The following TRIM33 variants were observed in gnomAD, a reference collection of about 807,000 sequenced individuals.
TRIM33 encodes the protein tripartite motif containing 33.
Under a neutral mutation model 125.4 loss-of-function variants are expected in TRIM33, and 20 were observed. That is an observed-to-expected ratio of 0.16 (90% CI 0.11 to 0.23). The LOEUF is 0.23. TRIM33 is among the 10% of genes least tolerant of loss of function. TRIM33 has a pLI of 1.00. For synonymous variants in TRIM33, 564 were observed against 513.9 expected, an observed-to-expected ratio of 1.10 and a Z score of -1.32; for missense variants, 920 against 1,411.4, an observed-to-expected ratio of 0.65 and a Z score of 5.58.
intron 4 of TRIM33, among the ~76,000 whole-genome samples, chr1:114,444,983 C>A (rs1304660049): frequency 6.6e-6 from 1 of 151,866 alleles, no homozygotes; most frequent in African/African-American, 2.4e-5. Flanking sequence ...TAGATGGAAA[C>A]TACTAAAAGA....
chr1:114,402,928 C>A, intron 15 of TRIM33, 45 bp from the exon 16 acceptor site: 1 of 1,560,184 alleles, frequency 6.4e-7, no homozygotes, highest in Non-Finnish European at 8.7e-7. Context: ...TATAAGAAAG[C>A]CTGCTCTAGA....
intron 1 of TRIM33, among the ~76,000 whole-genome samples, chr1:114,484,649 G>A (rs7550104): frequency 0.026 from 4,009 of 152,236 alleles, 92 homozygotes; most frequent in Non-Finnish European, 0.034. Flanking sequence ...GATTGCCTGA[G>A]CTCAGGAGTT....
chr1:114,397,591 TTTTTTTTTTTTTTTC>T lies in TRIM33; in HGVS notation c.*42_*56del. 32 of 1,006,088 alleles carry T rather than the reference TTTTTTTTTTTTTTTC, an allele frequency of 3.2e-5. No individual in the cohort carries two copies. The South Asian group carries it at 3.9e-4, about 12-fold the overall frequency. 62.3% of individuals were successfully genotyped at this position (1,006,088 alleles called of 1,614,324 possible). A position where few individuals can be genotyped will look rare whatever the true frequency, so the allele number is the denominator to read the frequency against. Reference sequence around the variant, plus strand: ...TAAAAGTTTTCTGGGTTTTTTGTGTTTTTTTTTTTTTTTTCGTTTTTTTTTTTTTAAACAATTGAT... The same window carrying T: ...TAAAAGTTTTCTGGGTTTTTTGTGTTGTTTTTTTTTTTTTAAACAATTGAT... On this transcript the variant is annotated 3_prime_UTR_variant, in exon 20 of 20. Coordinates refer to ENST00000358465, the MANE Select transcript of TRIM33 (RefSeq NM_015906.4).
rs1048039475 is a variant in TRIM33 at position 114,421,066 on chromosome 1, T to C, written c.2061+370A>G. On this transcript the variant is annotated intron_variant, in intron 11 of 19. Coordinates refer to ENST00000358465, the MANE Select transcript of TRIM33 (RefSeq NM_015906.4). ...AGCCTCTAAAAAGAAGGAAATTCTG[T>C]CATCTTGCAACAACATGAATGGAAC... Among the ~76,000 whole-genome samples the C allele has an allele frequency of 7.2e-5, 11 of 152,292 alleles. No homozygotes were observed. In the South Asian group the frequency reaches 2.1e-3, roughly 29 times the overall value.
At chr1:114,491,795 C>A (rs1021878084) in intron 1 of TRIM33, among the ~76,000 whole-genome samples, 1 of 152,084 alleles carries the variant, frequency 6.6e-6, no homozygotes, top group Non-Finnish European at 1.5e-5. Context: ...TAGAGCAAGA[C>A]CCTGTCTCAA....
At position 114,395,028 on chromosome 1, in the gene TRIM33, A is replaced by G. The variant is rs1289977732; in HGVS notation, c.*2620T>C. 1.5e-5 allele frequency: 3 copies of G among 194,254 alleles called. No individual in the cohort carries two copies. In the East Asian group the frequency reaches 2.4e-4, roughly 16 times the overall value. The allele number at this position is 194,254 out of a possible 1,614,324, so 12.0% of individuals were successfully genotyped here. On this transcript the variant is annotated 3_prime_UTR_variant, in exon 20 of 20. Coordinates refer to ENST00000358465, the MANE Select transcript of TRIM33 (RefSeq NM_015906.4). ...CTGCCTTCAGGGACTGACAGATACA[A>G]TTTTGTCTTTTTAAAACATAAACTA...
chr1:114,463,363 A>G (rs562780242), intron 3 of TRIM33, 49 bp downstream of exon 3: 17 of 1,571,902 alleles, frequency 1.1e-5, no homozygotes, highest in South Asian at 5.8e-5. Context: ...GGGGCAAAAG[A>G]AGGAGGTTAA....
intron 4 of TRIM33, among the ~76,000 whole-genome samples, chr1:114,438,634 A>G (rs1648458252): frequency 6.6e-6 from 1 of 152,146 alleles, no homozygotes; most frequent in Non-Finnish European, 1.5e-5. Flanking sequence ...TACTACTACT[A>G]TTTTCATAGT....
chr1:114,454,126 GAT>G, intron 4 of TRIM33, among the ~76,000 whole-genome samples: 1 of 152,286 alleles, frequency 6.6e-6, no homozygotes, highest in East Asian at 1.9e-4. Flanking sequence ...GAGTCTCGTG[GAT>G]TACTCTCTAA....
Position 114,511,126 on chromosome 1 carries a change from GT to G in TRIM33, c.-51del. ...CCGCCCCGCGCCGCCCGCCGCCCGC[GT>G]CGCCGCCGCCGCCGCCCCCAGCCCC... is the stretch of plus-strand genomic sequence containing the variant. On this transcript the variant is annotated 5_prime_UTR_variant, in exon 1 of 20. Transcript: ENST00000358465. 4.5e-6 allele frequency: 5 copies of G among 1,111,076 alleles called. No homozygotes were observed. The highest frequency in any genetic ancestry group is 4.4e-6 in the Non-Finnish European group (4 of 914,056). The allele number at this position is 1,111,076 out of a possible 1,614,324, so 68.8% of individuals were successfully genotyped here.
At chr1:114,492,445 T>G (rs758980615) in intron 1 of TRIM33, among the ~76,000 whole-genome samples, 1 of 152,166 alleles carries the variant, frequency 6.6e-6, no homozygotes, top group Non-Finnish European at 1.5e-5. Context: ...ATTAACTACA[T>G]TCAACATGTT....
intron 1 of TRIM33, among the ~76,000 whole-genome samples, chr1:114,466,865 C>T (rs536720565): frequency 6.5e-4 from 99 of 152,144 alleles, no homozygotes; most frequent in Non-Finnish European, 1.0e-3. Context: ...CCAAACTGCT[C>T]GGATTACAGG....
At chr1:114,417,497 A>G (rs1381812497) in intron 11 of TRIM33, among the ~76,000 whole-genome samples, 1 of 152,118 alleles carries the variant, frequency 6.6e-6, no homozygotes, top group Non-Finnish European at 1.5e-5. Flanking sequence ...ACATTGTTAT[A>G]CTGTACATAC....
chr1:114,433,767 A>C, intron 4 of TRIM33, 34 bp from the exon 5 acceptor site: 1 of 1,278,190 alleles, frequency 7.8e-7, no homozygotes, highest in Non-Finnish European at 1.1e-6. Context: ...TTTAAAACAA[A>C]ACATTTATGA....
rs1191121481 is a variant in TRIM33 at position 114,399,365 on chromosome 1, AT to A, written c.3120+91del. ...TGACAGGACTTTAGCAGAAAAAAAA[AT>A]TTTAATAAAATTAAAGTCAGCAGAA... On this transcript the variant is annotated intron_variant, in intron 18 of 19. Coordinates refer to ENST00000358465, the MANE Select transcript of TRIM33 (RefSeq NM_015906.4). 6 of 1,342,274 alleles carry A rather than the reference AT, an allele frequency of 4.5e-6. No homozygotes were observed. In the African/African-American group the frequency reaches 9.0e-5, roughly 20 times the overall value. 83.1% of individuals were successfully genotyped at this position (1,342,274 alleles called of 1,614,324 possible). A position where few individuals can be genotyped will look rare whatever the true frequency, so the allele number is the denominator to read the frequency against.
chr1:114,491,275 C>A (rs1317484696), intron 1 of TRIM33, among the ~76,000 whole-genome samples: 2 of 152,074 alleles, frequency 1.3e-5, no homozygotes, highest in African/African-American at 4.8e-5. Flanking sequence ...GAGGTGTTGC[C>A]ATTTATATAA....
intron 14 of TRIM33, among the ~76,000 whole-genome samples, chr1:114,406,430 T>G (rs998069076): frequency 6.6e-6 from 1 of 152,218 alleles, no homozygotes; most frequent in Admixed American, 6.5e-5. Context: ...AAGAGGGGCT[T>G]GGCCTTCCTT....
chr1:114,458,359 A>T (rs1649746358), intron 4 of TRIM33, among the ~76,000 whole-genome samples: 1 of 152,188 alleles, frequency 6.6e-6, no homozygotes, highest in Non-Finnish European at 1.5e-5. Context: ...CTATTGTGAA[A>T]TCTAAGACTA....
chr1:114,462,846 A>G (rs1036973602), intron 4 of TRIM33, among the ~76,000 whole-genome samples: 1 of 152,334 alleles, frequency 6.6e-6, no homozygotes, highest in Admixed American at 6.5e-5. Context: ...AAACAAATGC[A>G]TAATATAACT....
Sources: gnomAD v4.1 joint callset for allele counts (sites outside exome capture counted in the v4.1 genomes callset) on GRCh38, gnomAD v4.1.1 for gene constraint, MANE v1.5 for transcripts, NCBI Gene and HGNC (gene_info 2026-07-23, HGNC 2026-07-21) for gene names.